Variants in MYO5B observed in about 807,000 individuals in gnomAD.
MYO5B encodes the protein myosin VB, also known as unconventional myosin-Vb.
Under a neutral mutation model 229.3 loss-of-function variants are expected in MYO5B, and 143 were observed. The observed-to-expected ratio is 0.62, with a 90% confidence interval of 0.54 to 0.72. The LOEUF is 0.72. Ranked by LOEUF, MYO5B falls within the 30% of genes least tolerant of loss-of-function variation. The probability of loss-of-function intolerance (pLI) is 0.00; values close to 1 mark genes in which losing one functional copy is unlikely to be tolerated. For missense variants in MYO5B, 2,321 were observed against 2,331.0 expected (o/e 1.00, Z 0.09); for synonymous variants, 918 against 885.2 (o/e 1.04, Z -0.66).
Position 49,957,657 on chromosome 18 carries a change from C to G in MYO5B, c.1546-3222G>C, listed in dbSNP as rs148653321. The stretch of plus-strand genomic sequence containing the variant: ...AACAAGACACTGTCTCAAAACAAAA[C>G]AAAACAAAACAAAACAAAAAAAGCC... On this transcript the variant is annotated intron_variant, in intron 12 of 39. Coordinates refer to ENST00000285039, the MANE Select transcript of MYO5B (RefSeq NM_001080467.3). 7.5e-3 allele frequency among the ~76,000 whole-genome samples: 801 copies of G among 106,602 alleles called. 11 individuals carry two copies. The highest frequency in any genetic ancestry group is 0.027 in the African/African-American group (739 of 27,018). The allele number at this position is 106,602 out of a possible 152,430, so 69.9% of individuals were successfully genotyped here.
chr18:49,837,339 C>T (rs1305515216), intron 37 of MYO5B, among the ~76,000 whole-genome samples, 178 bp downstream of exon 37: 3 of 152,146 alleles, frequency 2.0e-5, no homozygotes, highest in African/African-American at 2.4e-5. Context: ...TCTCAGTGTT[C>T]GACGGATTTC....
intron 7 of MYO5B, among the ~76,000 whole-genome samples, chr18:49,985,702 T>A (rs1014935838): frequency 2.6e-5 from 4 of 152,154 alleles, no homozygotes; most frequent in Non-Finnish European, 5.9e-5. Context: ...AACGTTTGGT[T>A]TTGATAGAAT....
rs376909051 is a variant in MYO5B at position 49,872,207 on chromosome 18, T to A, written c.3563A>T (p.Asp1188Val). ...VQAEPPQTDI[D>V]LDPNADLAYN... is the part of the protein sequence containing the mutation. ...GGCCAGATCTGCATTCGGGTCCAAA[T>A]CTATGTCAGTCTGTGGTGGTTCCGC... The change falls in exon 27 of 40, where the codon GAT becomes GTT. Residue 1188 changes from aspartate (D) to valine (V), a missense_variant. Coordinates refer to ENST00000285039, the MANE Select transcript of MYO5B (RefSeq NM_001080467.3). 72 of 1,614,082 alleles carry A rather than the reference T, an allele frequency of 4.5e-5. No individual in the cohort carries two copies. In the African/African-American group the frequency reaches 8.9e-4, roughly 20 times the overall value.
At chr18:49,835,278 C>G in intron 39 of MYO5B, 66 bp downstream of exon 39, 1 of 1,197,040 alleles carries the variant, frequency 8.4e-7, no homozygotes, top group Non-Finnish European at 1.2e-6. Flanking sequence ...AAGATTAAAG[C>G]CCAAATTTTT....
At chr18:49,992,522 C>G in intron 5 of MYO5B, 91 bp from the exon 6 acceptor site, 2 of 1,560,698 alleles carry the variant, frequency 1.3e-6, no homozygotes, top group Non-Finnish European at 1.8e-6. Flanking sequence ...TGTCCCCTTT[C>G]TCTTCCTTAC....
intron 14 of MYO5B, among the ~76,000 whole-genome samples, chr18:49,939,469 G>A (rs964694758): frequency 4.6e-5 from 7 of 152,294 alleles, no homozygotes; most frequent in African/African-American, 1.2e-4. Context: ...TCTGAACCAC[G>A]TAAGTACAGA....
At chr18:49,971,967 G>A (rs1157063616) in intron 10 of MYO5B, among the ~76,000 whole-genome samples, 1 of 152,208 alleles carries the variant, frequency 6.6e-6, no homozygotes, top group Non-Finnish European at 1.5e-5. Context: ...AGCATGCCCG[G>A]AAGAAAGCAC....
chr18:50,043,579 TA>T (rs1361111528), intron 2 of MYO5B, among the ~76,000 whole-genome samples: 8 of 130,090 alleles, frequency 6.1e-5, no homozygotes, highest in Admixed American at 3.5e-4. Flanking sequence ...TATTTTTATA[TA>T]AAAATATATT....
chr18:50,020,834 C>A (rs536442344), intron 4 of MYO5B, among the ~76,000 whole-genome samples: 1 of 152,290 alleles, frequency 6.6e-6, no homozygotes, highest in East Asian at 1.9e-4. Flanking sequence ...AAGTGCTAGG[C>A]CAGGGAGATG....
In MYO5B at chr18:49,893,565, T is replaced by G. The variant is rs2024740635; in HGVS notation, c.3045+1376A>C. On this transcript the variant is annotated intron_variant, in intron 22 of 39. Coordinates refer to ENST00000285039, the MANE Select transcript of MYO5B (RefSeq NM_001080467.3). The stretch of plus-strand genomic sequence containing the variant: ...CATGGTGGGCAGGCTGGCAGGTGAC[T>G]TATCTGGGCAGAGGGTCCTGTGGGC... Among the ~76,000 whole-genome samples the G allele has an allele frequency of 6.6e-5, 10 of 152,338 alleles. No individual in the cohort carries two copies. The South Asian group carries it at 2.1e-3, about 32-fold the overall frequency.
At chr18:50,043,840 C>G (rs2030142420) in intron 2 of MYO5B, among the ~76,000 whole-genome samples, 1 of 151,384 alleles carries the variant, frequency 6.6e-6, no homozygotes, top group African/African-American at 2.4e-5. Context: ...AGGAGCTAAG[C>G]TATGAGGATG....
chr18:49,829,976 A>G (rs903711453), intron 39 of MYO5B, among the ~76,000 whole-genome samples: 5 of 152,226 alleles, frequency 3.3e-5, no homozygotes, highest in African/African-American at 1.2e-4. Flanking sequence ...TCACACTCAG[A>G]AAGTTTTTCC....
At chr18:50,082,592 C>T (rs74488749) in intron 1 of MYO5B, among the ~76,000 whole-genome samples, 5,779 of 152,228 alleles carry the variant, frequency 0.038, 361 homozygotes, top group African/African-American at 0.13. Flanking sequence ...CCAATCCTTC[C>T]TACCTCAAGG....
intron 1 of MYO5B, among the ~76,000 whole-genome samples, chr18:50,119,554 C>T (rs61544831): frequency 0.02 from 2,999 of 152,240 alleles, 90 homozygotes; most frequent in African/African-American, 0.069. Context: ...ATAATTTCCT[C>T]ATCCTGAAGA....
At chr18:49,852,601 C>T (rs2024215154) in intron 31 of MYO5B, among the ~76,000 whole-genome samples, 1 of 152,088 alleles carries the variant, frequency 6.6e-6, no homozygotes, top group African/African-American at 2.4e-5. Context: ...GCACTACGGG[C>T]ACATGAACGT....
intron 29 of MYO5B, among the ~76,000 whole-genome samples, chr18:49,861,158 A>G (rs576165108): frequency 6.6e-6 from 1 of 152,354 alleles, no homozygotes; most frequent in East Asian, 1.9e-4. Flanking sequence ...ACTCAGTTTC[A>G]CAGGCTATTA....
intron 17 of MYO5B, among the ~76,000 whole-genome samples, chr18:49,927,660 G>A (rs188867966): frequency 4.3e-4 from 66 of 152,236 alleles, no homozygotes; most frequent in Non-Finnish European, 7.9e-4. Flanking sequence ...CACTCTATTC[G>A]ATAAATGGGG....
chr18:49,894,835 A>C, intron 22 of MYO5B, 106 bp downstream of exon 22: 1 of 994,628 alleles, frequency 1.0e-6, no homozygotes, highest in Non-Finnish European at 1.6e-6. Flanking sequence ...CATGAGCCCA[A>C]GACCATGGCA....
At chr18:49,853,329 G>C in intron 31 of MYO5B, 120 bp downstream of exon 31, 1 of 988,006 alleles carries the variant, frequency 1.0e-6, no homozygotes, top group Non-Finnish European at 1.6e-6. Context: ...TAGAATCTCT[G>C]TTCCTACTAT....
Sources: gnomAD v4.1 joint callset for allele counts (sites outside exome capture counted in the v4.1 genomes callset) on GRCh38, gnomAD v4.1.1 for gene constraint, MANE v1.5 for transcripts, NCBI Gene and HGNC (gene_info 2026-07-23, HGNC 2026-07-21) for gene names.